FAM13A: variants seen among roughly 807,000 people sequenced by gnomAD.
FAM13A encodes family with sequence similarity 13 member A.
A neutral mutation model predicts 129.6 loss-of-function variants in FAM13A; 76 were observed. The ratio of observed to expected loss-of-function variants is 0.59; its 90% confidence interval spans 0.49 to 0.71. FAM13A has a LOEUF of 0.71. FAM13A is among the 30% of genes least tolerant of loss of function. The pLI is 0.00. For missense variants in FAM13A, 1,108 were observed against 1,249.3 expected, an observed-to-expected ratio of 0.89 and a Z score of 1.70; for synonymous variants, 443 against 449.9, an observed-to-expected ratio of 0.98 and a Z score of 0.20.
chr4:88,736,497 A>C (rs1207221713), intron 21 of FAM13A: 1 of 152,222 alleles, frequency 6.6e-6, no homozygotes, highest in African/African-American at 2.4e-5. Context: ...AAATATGACA[A>C]GTGAAACTCT....
At chr4:88,865,847 C>G (rs1472637623) in intron 6 of FAM13A, among the ~76,000 whole-genome samples, 1 of 135,380 alleles carries the variant, frequency 7.4e-6, no homozygotes, top group Non-Finnish European at 1.6e-5. Flanking sequence ...TAACATCATT[C>G]ATTTCTTTCA....
chr4:88,792,912 A>C (rs748134954), intron 8 of FAM13A, among the ~76,000 whole-genome samples: 1 of 152,064 alleles, frequency 6.6e-6, no homozygotes, highest in African/African-American at 2.4e-5. Flanking sequence ...GAAAAAGACA[A>C]GGAAACAACA....
rs554147247 is a variant in FAM13A at position 89,013,288 on chromosome 4, G to GTA, written c.427+7170_427+7171dup. ...ATAAAATATATATATATATAACACA[G>GTA]TATATATATATAAAACACAGTATAT... On this transcript the variant is annotated intron_variant, in intron 3 of 23. Coordinates refer to ENST00000264344, the MANE Select transcript of FAM13A (RefSeq NM_014883.4). 2.1e-4 allele frequency among the ~76,000 whole-genome samples: 31 copies of GTA among 145,442 alleles called. No individual in the cohort carries two copies. The South Asian group carries it at 2.4e-3, about 11-fold the overall frequency.
At chr4:89,047,106 C>T (rs769760907) in intron 1 of FAM13A, among the ~76,000 whole-genome samples, 1 of 152,016 alleles carries the variant, frequency 6.6e-6, no homozygotes, top group Non-Finnish European at 1.5e-5. Context: ...GAGCAGGACT[C>T]ATATCTTATA....
chr4:88,784,235 A>G (rs555108919), intron 10 of FAM13A, among the ~76,000 whole-genome samples: 1 of 152,302 alleles, frequency 6.6e-6, no homozygotes, highest in South Asian at 2.1e-4. Flanking sequence ...TTTCGATTAC[A>G]CTATAGATCC....
At chr4:89,002,080 A>G (rs542778694) in intron 3 of FAM13A, among the ~76,000 whole-genome samples, 2 of 152,094 alleles carry the variant, frequency 1.3e-5, no homozygotes, top group African/African-American at 4.8e-5. Context: ...ATTTCCATTT[A>G]AAGAGACAGA....
chr4:88,929,048 G>A (rs939138985), intron 5 of FAM13A, among the ~76,000 whole-genome samples: 6 of 151,946 alleles, frequency 3.9e-5, no homozygotes, highest in Non-Finnish European at 5.9e-5. Flanking sequence ...TTTTTAAGAC[G>A]CCTTTGGCCA....
intron 7 of FAM13A, among the ~76,000 whole-genome samples, chr4:88,834,260 A>C (rs1001467873): frequency 2.0e-5 from 3 of 151,630 alleles, no homozygotes; most frequent in Non-Finnish European, 4.4e-5. Context: ...GCATCAAATA[A>C]TTGTTTGTAT....
intron 7 of FAM13A, among the ~76,000 whole-genome samples, chr4:88,831,588 C>T (rs181988627): frequency 6.6e-6 from 1 of 151,998 alleles, no homozygotes; most frequent in Non-Finnish European, 1.5e-5. Flanking sequence ...TTTGAATTGA[C>T]CCTGTAAATA....
In FAM13A at chr4:88,756,747, G is replaced by A. The variant is rs900486707; in HGVS notation, c.1726+2007C>T. On this transcript the variant is annotated intron_variant, in intron 14 of 23. Coordinates refer to ENST00000264344, the MANE Select transcript of FAM13A (RefSeq NM_014883.4). ...TTTAGTGATCAGACTTATTGCTCTCGTTTTATGCAAAAATTCCTTACTTTC... is the reference window on the plus strand; with the variant it reads ...TTTAGTGATCAGACTTATTGCTCTCATTTTATGCAAAAATTCCTTACTTTC... 2.0e-5 allele frequency among the ~76,000 whole-genome samples: 3 copies of A among 151,754 alleles called. No homozygotes were observed. The East Asian group carries it at 5.8e-4, about 29-fold the overall frequency.
intron 4 of FAM13A, among the ~76,000 whole-genome samples, chr4:88,941,223 GGAAA>G (rs1754707083): frequency 1.3e-5 from 2 of 152,126 alleles, no homozygotes; most frequent in African/African-American, 4.8e-5. Context: ...TCTAAAATCA[GGAAA>G]GAGAGAAAAT....
rs1768412381 is a variant in FAM13A, at chr4:89,029,524, C to G, written c.153G>C (p.Gln51His). The G allele has an allele frequency of 6.3e-7, 1 of 1,594,294 alleles. No homozygotes were observed. Among genetic ancestry groups the G allele is most frequent in the Non-Finnish European group, 8.5e-7 (1 of 1,174,628 alleles). Reference sequence around the variant, plus strand: ...CTGGAATGCCATTCTCGGTGAGCCCCTGCCGTTCAAGTTCTTGGAGACTGA... The same window carrying G: ...CTGGAATGCCATTCTCGGTGAGCCCGTGCCGTTCAAGTTCTTGGAGACTGA... ...FGVSLQELERQGLTENGIPAV... is the reference protein window; with the variant it reads ...FGVSLQELERHGLTENGIPAV... Residue 51 changes from glutamine (Q) to histidine (H), a missense_variant, in exon 2 of 24, where the codon CAG (glutamine) becomes CAC (histidine). Around this residue, in one of 3 missense-constraint regions of FAM13A, gnomAD observed 566 missense variants for 595.7 expected, o/e 0.95. Coordinates refer to ENST00000264344, the MANE Select transcript of FAM13A (RefSeq NM_014883.4).
At chr4:88,965,541 C>G (rs1235195072) in intron 4 of FAM13A, among the ~76,000 whole-genome samples, 2 of 151,304 alleles carry the variant, frequency 1.3e-5, no homozygotes, top group Non-Finnish European at 1.5e-5. Context: ...TGAAAACAGG[C>G]AAAACTATCT....
chr4:88,895,042 T>C (rs1163333178), intron 6 of FAM13A, among the ~76,000 whole-genome samples: 2 of 152,156 alleles, frequency 1.3e-5, no homozygotes, highest in African/African-American at 4.8e-5. Flanking sequence ...GTCTCAAATA[T>C]TCAAAATGGC....
At chr4:89,024,104 C>A (rs1767626399) in intron 2 of FAM13A, among the ~76,000 whole-genome samples, 1 of 152,166 alleles carries the variant, frequency 6.6e-6, no homozygotes, top group Admixed American at 6.5e-5. Context: ...CTGAAAGATA[C>A]TTTTCTGTAC....
chr4:88,873,133 T>C lies in FAM13A; in HGVS notation c.844-21950A>G, dbSNP rs529643762. On this transcript the variant is annotated intron_variant, in intron 6 of 23. Transcript: ENST00000264344. Reference sequence around the variant, plus strand: ...CATACCAGAATCTCTGGGACACATTTAAAGCAGTGTGTAGAGGGAAATTTA... The same window carrying C: ...CATACCAGAATCTCTGGGACACATTCAAAGCAGTGTGTAGAGGGAAATTTA... Among the ~76,000 whole-genome samples, 13 of 152,236 alleles carry C rather than the reference T, an allele frequency of 8.5e-5. No homozygotes were observed. The South Asian group carries it at 1.9e-3, about 22-fold the overall frequency.
intron 7 of FAM13A, among the ~76,000 whole-genome samples, chr4:88,808,539 T>C (rs1729035335): frequency 1.3e-5 from 2 of 152,178 alleles, no homozygotes; most frequent in Admixed American, 1.3e-4. Context: ...CATAATTTTT[T>C]CCTAAAGATG....
rs1467620583 is a variant in FAM13A, at chr4:88,784,178, T to C, written c.1272-2827A>G. ...TCTCCTCCGAGGGAAGTCTTTGCTT[T>C]TACGTGCATCCACGTGTCTCTTCTA... On this transcript the variant is annotated intron_variant, in intron 10 of 23. Coordinates refer to ENST00000264344, the MANE Select transcript of FAM13A (RefSeq NM_014883.4). 2.6e-5 allele frequency among the ~76,000 whole-genome samples: 4 copies of C among 152,182 alleles called. 1 individual carries two copies. The highest frequency in any genetic ancestry group is 5.9e-5 in the Non-Finnish European group (4 of 68,038).
intron 7 of FAM13A, among the ~76,000 whole-genome samples, chr4:88,808,923 C>T (rs2167750): frequency 0.51 from 77,057 of 151,914 alleles, 19,762 homozygotes; most frequent in East Asian, 0.69. Context: ...ACCTAAATAA[C>T]AGTCTAAATC....
Sources: allele counts gnomAD v4.1 joint callset (sites outside exome capture counted in the v4.1 genomes callset), GRCh38; gene constraint gnomAD v4.1.1; regional missense constraint gnomAD v4.1.1; transcripts MANE v1.5; gene names NCBI Gene and HGNC (gene_info 2026-07-23, HGNC 2026-07-21).